ADGRL2: variants seen among roughly 807,000 people sequenced by gnomAD.
ADGRL2 encodes the protein adhesion G protein-coupled receptor L2.
A neutral mutation model predicts 157.4 loss-of-function variants in ADGRL2; 44 were observed. The ratio of observed to expected loss-of-function variants is 0.28; its 90% CI spans 0.22 to 0.36. The LOEUF (loss-of-function observed/expected upper bound fraction) is 0.36, where lower values mean the gene tolerates loss of function less well. ADGRL2 is among the 10% of genes least tolerant of loss of function. ADGRL2 has a pLI of 1.00. For missense variants in ADGRL2, 1,510 were observed against 1,768.9 expected, an observed-to-expected ratio of 0.85 and a Z score of 2.63; for synonymous variants, 585 against 624.7, an observed-to-expected ratio of 0.94 and a Z score of 0.95.
chr1:81,629,372 ACTAT>A (rs1453116129), intron 3 of ADGRL2, among the ~76,000 whole-genome samples: 1 of 152,162 alleles, frequency 6.6e-6, no homozygotes, highest in African/African-American at 2.4e-5. Flanking sequence ...CAGATGTGAC[ACTAT>A]CTAAGGCAGT....
At chr1:81,875,086 A>G (rs553888120) in intron 2 of ADGRL2, among the ~76,000 whole-genome samples, 4 of 151,688 alleles carry the variant, frequency 2.6e-5, no homozygotes, top group African/African-American at 7.3e-5. Context: ...CTTAACTTCT[A>G]TAGGCTGCAC....
In ADGRL2 at chr1:81,970,537, A is replaced by G; in HGVS notation, c.2954+3A>G. On this transcript the variant is annotated splice_donor_region_variant and intron_variant, in intron 16 of 23. Coordinates refer to ENST00000686636, the MANE Select transcript of ADGRL2 (RefSeq NM_001366006.2). ...AAGAGCTATGGAACAGAAAAAGCGT[A>G]AGTAATTGCAAGCGACCTGAGTGTT... is the stretch of plus-strand genomic sequence containing the variant. The G allele has an allele frequency of 1.2e-6, 2 of 1,600,854 alleles. No homozygotes were observed. Among genetic ancestry groups the G allele is most frequent in the African/African-American group, 1.3e-5 (1 of 74,384 alleles).
intron 1 of ADGRL2, among the ~76,000 whole-genome samples, chr1:81,367,556 C>G (rs1211579534): frequency 6.6e-6 from 1 of 152,068 alleles, no homozygotes; most frequent in East Asian, 1.9e-4. Context: ...GACCTTGTTT[C>G]TTTCTTTTTT....
At chr1:81,982,070 A>G in intron 19 of ADGRL2, 94 bp downstream of exon 19, 3 of 1,018,022 alleles carry the variant, frequency 2.9e-6, no homozygotes, top group Non-Finnish European at 4.2e-6. Flanking sequence ...CACATCTGGC[A>G]TATTGTTAAA....
chr1:81,864,671 A>T (rs2093483113), intron 2 of ADGRL2, among the ~76,000 whole-genome samples: 1 of 152,098 alleles, frequency 6.6e-6, no homozygotes, highest in Non-Finnish European at 1.5e-5. Flanking sequence ...TTATTTCTAA[A>T]AGTTACGAAG....
At chr1:81,388,574 G>T (rs749947063) in intron 1 of ADGRL2, among the ~76,000 whole-genome samples, 1 of 152,146 alleles carries the variant, frequency 6.6e-6, no homozygotes, top group Non-Finnish European at 1.5e-5. Flanking sequence ...TGAATTTGGT[G>T]GTGGAGACTT....
chr1:81,761,390 C>T (rs1038111977), intron 1 of ADGRL2, among the ~76,000 whole-genome samples: 1 of 151,846 alleles, frequency 6.6e-6, no homozygotes, highest in Non-Finnish European at 1.5e-5. Context: ...GTTTATTATA[C>T]TTTAAAAAAC....
intron 1 of ADGRL2, among the ~76,000 whole-genome samples, chr1:81,423,233 G>C (rs1440115992): frequency 6.6e-6 from 1 of 152,106 alleles, no homozygotes; most frequent in African/African-American, 2.4e-5. Flanking sequence ...TAACCCTATG[G>C]GATATGGTTA....
At chr1:81,681,109 G>A (rs1035737764) in intron 3 of ADGRL2, among the ~76,000 whole-genome samples, 11 of 152,208 alleles carry the variant, frequency 7.2e-5, no homozygotes, top group Non-Finnish European at 1.6e-4. Context: ...AAATGAAGCA[G>A]AGAGACTGCT....
rs895151706 is a variant in ADGRL2 at position 81,546,797 on chromosome 1, G to A, written c.-247-34079G>A. 2.0e-5 allele frequency among the ~76,000 whole-genome samples: 3 copies of A among 152,268 alleles called. 1 individual carries two copies. Among genetic ancestry groups the A allele is most frequent in the Middle Eastern group, 6.8e-3 (2 of 294 alleles). On this transcript the variant is annotated intron_variant, in intron 2 of 24. Coordinates refer to the ADGRL2 transcript ENST00000370721. ...TGAGTGAGGTACACATAATCTTAGG[G>A]GAGGTGGAGTCCTGGAGTTGAAGAG...
chr1:81,725,624 G>A (rs1448708978), intron 1 of ADGRL2, among the ~76,000 whole-genome samples: 2 of 152,070 alleles, frequency 1.3e-5, no homozygotes, highest in Non-Finnish European at 2.9e-5. Flanking sequence ...TCTCAAAATT[G>A]CCAACGTGTA....
chr1:81,910,251 A>AATAATG (rs2094687312), intron 3 of ADGRL2, among the ~76,000 whole-genome samples: 1 of 148,796 alleles, frequency 6.7e-6, no homozygotes, highest in African/African-American at 2.5e-5. Flanking sequence ...AAACAATAAT[A>AATAATG]ATAATAATAA....
At chr1:81,710,626 T>TAAAAAAAAAAAAAAA (rs373944276) in intron 1 of ADGRL2, among the ~76,000 whole-genome samples, 1 of 132,474 alleles carries the variant, frequency 7.5e-6, no homozygotes, top group Non-Finnish European at 1.6e-5. Flanking sequence ...CTCAAAAAAT[T>TAAAAAAAAAAAAAAA]AAAAAAAAAA....
At chr1:81,482,817 T>G (rs920385509) in intron 2 of ADGRL2, among the ~76,000 whole-genome samples, 1 of 151,322 alleles carries the variant, frequency 6.6e-6, no homozygotes, top group African/African-American at 2.4e-5. Context: ...TATATATATG[T>G]TTTATATATT....
At chr1:81,384,408 GA>G (rs1331584542) in intron 1 of ADGRL2, among the ~76,000 whole-genome samples, 1 of 152,024 alleles carries the variant, frequency 6.6e-6, no homozygotes, top group Non-Finnish European at 1.5e-5. Context: ...AGATATGGAG[GA>G]AAAAAATCTT....
In ADGRL2 at chr1:81,842,375, T is replaced by A. The variant is rs201673692; in HGVS notation, c.73+5318T>A. On this transcript the variant is annotated intron_variant, in intron 2 of 23. Coordinates refer to ENST00000686636, the MANE Select transcript of ADGRL2 (RefSeq NM_001366006.2). ...GCGCTTTTTTTTTTTTTTTTTTTTT[T>A]AAGATGGAGTCTCACTCTGTCTCCC... 1.4e-3 allele frequency among the ~76,000 whole-genome samples: 192 copies of A among 139,328 alleles called. 1 individual carries two copies. In the Middle Eastern group the frequency reaches 0.014, roughly 10 times the overall value. 91.4% of individuals were successfully genotyped at this position (139,328 alleles called of 152,430 possible).
intron 2 of ADGRL2, among the ~76,000 whole-genome samples, chr1:81,856,911 T>C (rs2093223152): frequency 6.6e-6 from 1 of 152,172 alleles, no homozygotes; most frequent in Admixed American, 6.6e-5. Flanking sequence ...CATTAAATAA[T>C]AAACATGAGT....
chr1:81,946,102 GTGATTGATTTATTTTGC>G (rs1346882618), intron 6 of ADGRL2, among the ~76,000 whole-genome samples: 1 of 152,138 alleles, frequency 6.6e-6, no homozygotes, highest in African/African-American at 2.4e-5. Context: ...TCATAAAGTA[GTGATTGATTTATTTTGC>G]TGAAATTCGT....
chr1:81,653,922 G>A (rs1216245989), intron 3 of ADGRL2, among the ~76,000 whole-genome samples: 1 of 151,878 alleles, frequency 6.6e-6, no homozygotes, highest in Non-Finnish European at 1.5e-5. Context: ...TCAGAGTTCA[G>A]CTTCTTTCTT....
Sources: gnomAD v4.1 joint callset for allele counts (sites outside exome capture counted in the v4.1 genomes callset) on GRCh38, gnomAD v4.1.1 for gene constraint, MANE v1.5 for transcripts, NCBI Gene and HGNC (gene_info 2026-07-23, HGNC 2026-07-21) for gene names.